PLA2G4A: variants seen among roughly 807,000 people sequenced by gnomAD.
The protein encoded by PLA2G4A is cytosolic phospholipase A2.
In PLA2G4A, 40 loss-of-function variants were observed where a neutral mutation model predicts 81.9. That is an observed-to-expected ratio of 0.49 (90% CI 0.38 to 0.64). The LOEUF (loss-of-function observed/expected upper bound fraction) is 0.64, where lower values mean the gene tolerates loss of function less well. PLA2G4A is among the 30% of genes least tolerant of loss of function. PLA2G4A has a pLI of 0.00. For synonymous variants in PLA2G4A, 302 were observed against 296.9 expected, an observed-to-expected ratio of 1.02 and a Z score of -0.18; for missense variants, 715 against 905.1, an observed-to-expected ratio of 0.79 and a Z score of 2.69.
chr1:186,885,968 G>C (rs1288231653), intron 3 of PLA2G4A, among the ~76,000 whole-genome samples: 1 of 152,010 alleles, frequency 6.6e-6, no homozygotes, highest in Non-Finnish European at 1.5e-5. Flanking sequence ...AGTAATATTT[G>C]AAAATATAAT....
chr1:186,860,583 C>G (rs1414908311), intron 2 of PLA2G4A, among the ~76,000 whole-genome samples: 1 of 152,068 alleles, frequency 6.6e-6, no homozygotes, highest in Non-Finnish European at 1.5e-5. Flanking sequence ...TTAGAAATAC[C>G]CTCACAGGCA....
At chr1:186,957,110 C>A (rs947610859) in intron 14 of PLA2G4A, among the ~76,000 whole-genome samples, 6 of 12,186 alleles carry the variant, frequency 4.9e-4, no homozygotes, top group African/African-American at 1.1e-3. Context: ...CAATATTGCA[C>A]CACTGCACTC....
intron 17 of PLA2G4A, 138 bp from the exon 18 acceptor site, chr1:186,988,239 C>T (rs1391658577): frequency 5.0e-6 from 3 of 602,772 alleles, no homozygotes; most frequent in Non-Finnish European, 8.5e-6. Flanking sequence ...AATGTGTATG[C>T]ATGACTCGTA....
intron 8 of PLA2G4A, among the ~76,000 whole-genome samples, chr1:186,935,768 AC>A (rs1655924194): frequency 6.6e-6 from 1 of 151,926 alleles, no homozygotes; most frequent in Non-Finnish European, 1.5e-5. Context: ...ATGTTGTGTA[AC>A]CTTTTATATT....
At chr1:186,935,775 A>C (rs1055051614) in intron 8 of PLA2G4A, among the ~76,000 whole-genome samples, 1 of 151,958 alleles carries the variant, frequency 6.6e-6, no homozygotes, top group South Asian at 2.1e-4. Context: ...GTAACCTTTT[A>C]TATTCTGCTG....
chr1:186,891,193 T>G (rs886950830), intron 3 of PLA2G4A, among the ~76,000 whole-genome samples: 2 of 152,174 alleles, frequency 1.3e-5, no homozygotes, highest in Non-Finnish European at 2.9e-5. Flanking sequence ...AGTAGGTGTA[T>G]ATATTTATGG....
chr1:186,979,354 A>C lies in PLA2G4A; in HGVS notation c.2000A>C (p.Asp667Ala), dbSNP rs1232821288. The C allele has an allele frequency of 6.2e-7, 1 of 1,612,034 alleles. No homozygotes were observed. Among genetic ancestry groups the C allele is most frequent in the Non-Finnish European group, 8.5e-7 (1 of 1,178,064 alleles). Residue 667 changes from aspartate (D) to alanine (A), a missense_variant, in exon 17 of 18, where the codon GAC becomes GCC. By Grantham distance (126) the Asp-to-Ala change is moderately radical. Coordinates refer to ENST00000367466, the MANE Select transcript of PLA2G4A (RefSeq NM_024420.3). ...RETEEEKEIA[D>A]FDIFDDPESP... ...ACTGAGGAAGAGAAAGAAATCGCTG[A>C]CTTTGATATTTTTGATGACCCAGAA... is the stretch of plus-strand genomic sequence containing the variant.
chr1:186,880,330 A>T (rs2102079226), intron 3 of PLA2G4A, among the ~76,000 whole-genome samples: 1 of 152,154 alleles, frequency 6.6e-6, no homozygotes, highest in East Asian at 1.9e-4. Flanking sequence ...ACAATATTTA[A>T]AGTGAGATTG....
At chr1:186,915,953 G>A (rs1199437668) in intron 7 of PLA2G4A, among the ~76,000 whole-genome samples, 1 of 152,068 alleles carries the variant, frequency 6.6e-6, no homozygotes, top group African/African-American at 2.4e-5. Flanking sequence ...AATTCATCAG[G>A]AACTGGGTCT....
intron 5 of PLA2G4A, among the ~76,000 whole-genome samples, chr1:186,902,065 T>C (rs1407232790): frequency 1.3e-5 from 2 of 152,214 alleles, no homozygotes; most frequent in African/African-American, 2.4e-5. Flanking sequence ...GCTATACACC[T>C]AGGCTATATG....
chr1:186,922,713 C>G (rs1360174476), intron 7 of PLA2G4A, among the ~76,000 whole-genome samples: 2 of 152,124 alleles, frequency 1.3e-5, no homozygotes, highest in African/African-American at 2.4e-5. Flanking sequence ...CCTCAGACAC[C>G]AAGTTAAAGA....
intron 8 of PLA2G4A, 98 bp downstream of exon 8, chr1:186,932,997 C>T (rs1425607030): frequency 6.6e-6 from 6 of 907,596 alleles, no homozygotes; most frequent in Non-Finnish European, 1.0e-5. Context: ...GAAAATTGAT[C>T]ATTAATTTAA....
In PLA2G4A at chr1:186,924,798, T is replaced by C. The variant is rs67896462; in HGVS notation, c.559-7965T>C. On this transcript the variant is annotated intron_variant, in intron 7 of 17. Coordinates refer to ENST00000367466, the MANE Select transcript of PLA2G4A (RefSeq NM_024420.3). ...TCCAGGATTCTCAGTCAGGGTGTGG[T>C]TGCTCTCACCTGTAATCCCAGCATT... 5.3e-5 allele frequency among the ~76,000 whole-genome samples: 8 copies of C among 152,188 alleles called. No individual in the cohort carries two copies. In the South Asian group the frequency reaches 1.0e-3, roughly 20 times the overall value.
intron 4 of PLA2G4A, 124 bp from the exon 5 acceptor site, chr1:186,893,974 A>G: frequency 1.5e-6 from 1 of 657,774 alleles, no homozygotes; most frequent in East Asian, 2.8e-5. Flanking sequence ...AAATATTGAG[A>G]TCTTCAAGGA....
intron 2 of PLA2G4A, among the ~76,000 whole-genome samples, chr1:186,862,494 G>A (rs908003369): frequency 6.6e-6 from 1 of 152,122 alleles, no homozygotes; most frequent in African/African-American, 2.4e-5. Context: ...TTACAGGCCT[G>A]AGCCATCGCG....
At chr1:186,867,862 A>T (rs1367807722) in intron 2 of PLA2G4A, among the ~76,000 whole-genome samples, 1 of 152,034 alleles carries the variant, frequency 6.6e-6, no homozygotes, top group African/African-American at 2.4e-5. Flanking sequence ...CAAGTTGATA[A>T]AGCTCCCTTC....
At chr1:186,946,589 A>G in intron 10 of PLA2G4A, 48 bp from the exon 11 acceptor site, 1 of 1,330,272 alleles carries the variant, frequency 7.5e-7, no homozygotes, top group Non-Finnish European at 1.1e-6. Context: ...ACACCATGCC[A>G]TAGCATTTTC....
At chr1:186,927,772 A>G (rs747868930) in intron 7 of PLA2G4A, among the ~76,000 whole-genome samples, 2 of 152,232 alleles carry the variant, frequency 1.3e-5, no homozygotes, top group Non-Finnish European at 2.9e-5. Flanking sequence ...CAGATCATCT[A>G]GTCATGGAGG....
chr1:186,839,689 C>T (rs145001369), intron 1 of PLA2G4A, among the ~76,000 whole-genome samples: 27 of 152,156 alleles, frequency 1.8e-4, no homozygotes, highest in Non-Finnish European at 3.4e-4. Context: ...TTGTATGTAA[C>T]CCCTAAATTT....
Sources: allele counts gnomAD v4.1 joint callset (sites outside exome capture counted in the v4.1 genomes callset), GRCh38; gene constraint gnomAD v4.1.1; transcripts MANE v1.5; gene names NCBI Gene and HGNC (gene_info 2026-07-23, HGNC 2026-07-21).